The following GALNT13 variants were observed in gnomAD, a reference collection of about 807,000 sequenced individuals.
GALNT13 encodes UDP-GalNAc:polypeptide N-acetylgalactosaminyltransferase 13.
GALNT13 carries 28 observed loss-of-function variants against 64.2 expected under a neutral mutation model. The observed-to-expected ratio is 0.44, with a 90% CI of 0.32 to 0.60. The LOEUF is 0.60. Among genes scored for constraint, GALNT13 ranks in the 20% least tolerant of loss-of-function variants. The pLI, the probability that GALNT13 is intolerant of heterozygous loss-of-function variation, is 0.05. For synonymous variants in GALNT13, 214 were observed against 224.6 expected (o/e 0.95, Z 0.42); for missense variants, 577 against 669.8 (o/e 0.86, Z 1.53).
intron 4 of GALNT13, among the ~76,000 whole-genome samples, chr2:154,204,156 T>C (rs1266542965): frequency 1.3e-5 from 2 of 152,168 alleles, no homozygotes; most frequent in Non-Finnish European, 2.9e-5. Context: ...CTGGACTGCC[T>C]CCTCATTAAT....
At chr2:153,299,673 G>T in the GALNT13 span, among the ~76,000 whole-genome samples, 1 of 152,190 alleles carries the variant, frequency 6.6e-6, no homozygotes, top group South Asian at 2.1e-4. Context: ...GGAGCTTGTG[G>T]ACACAATCAA....
the GALNT13 span, among the ~76,000 whole-genome samples, chr2:153,345,654 TCTTTCTTTCTTTC>T: frequency 1.3e-4 from 17 of 133,708 alleles, no homozygotes; most frequent in African/African-American, 5.0e-4. Flanking sequence ...TTTCTTTCTT[TCTTTCTTTCTTTC>T]TTTCTTTCTT....
At chr2:153,967,730 C>T (rs973127370) in intron 3 of GALNT13, among the ~76,000 whole-genome samples, 1 of 152,028 alleles carries the variant, frequency 6.6e-6, no homozygotes, top group Non-Finnish European at 1.5e-5. Flanking sequence ...GGTGCTCACC[C>T]ATGGACCACA....
chr2:154,048,586 A>T (rs1699408184), intron 3 of GALNT13, among the ~76,000 whole-genome samples: 2 of 152,156 alleles, frequency 1.3e-5, no homozygotes, highest in South Asian at 4.1e-4. Flanking sequence ...TCACTGTGTC[A>T]TAAGGCCAGA....
At chr2:153,424,314 C>T in the GALNT13 span, among the ~76,000 whole-genome samples, 386 of 151,402 alleles carry the variant, frequency 2.5e-3, 1 homozygote, top group South Asian at 0.013. Flanking sequence ...TTTGCTGTGC[C>T]TATATTTCTT....
chr2:153,342,670 A>C, the GALNT13 span, among the ~76,000 whole-genome samples: 1 of 152,116 alleles, frequency 6.6e-6, no homozygotes. Context: ...TAAAGTTTCC[A>C]ATTTTCTCCC....
intron 9 of GALNT13, among the ~76,000 whole-genome samples, chr2:154,322,144 C>CTTTTT (rs70983718): frequency 9.0e-4 from 15 of 16,616 alleles, no homozygotes; most frequent in African/African-American, 1.6e-3. Context: ...AAAATATGTA[C>CTTTTT]TTTTTTTTTT....
chr2:153,243,052 G>C, the GALNT13 span, among the ~76,000 whole-genome samples: 1 of 152,202 alleles, frequency 6.6e-6, no homozygotes, highest in African/African-American at 2.4e-5. Context: ...GCTAATATCA[G>C]TTGTGGAGGT....
chr2:153,604,859 G>A, the GALNT13 span, among the ~76,000 whole-genome samples: 39 of 151,944 alleles, frequency 2.6e-4, no homozygotes, highest in Non-Finnish European at 4.7e-4. Flanking sequence ...TAGCTATTGA[G>A]GCTAACAAGA....
At chr2:153,758,137 C>G in the GALNT13 span, among the ~76,000 whole-genome samples, 2 of 152,048 alleles carry the variant, frequency 1.3e-5, no homozygotes, top group Admixed American at 1.3e-4. Context: ...AATTTTTAAC[C>G]CAGTTTGAGT....
chr2:154,427,948 A>C lies in GALNT13; in HGVS notation c.1396-10644A>C, dbSNP rs577770579. ...TATGGAGGAAGATAATATTTTAAAA[A>C]ATAATTCACATTGCTAAAGGTATAA... On this transcript the variant is annotated intron_variant, in intron 11 of 12. Transcript: ENST00000392825. Among the ~76,000 whole-genome samples, 22 of 152,360 alleles carry C rather than the reference A, an allele frequency of 1.4e-4. No individual in the cohort carries two copies. The East Asian group carries it at 3.9e-3, about 27-fold the overall frequency.
chr2:153,613,468 T>C, the GALNT13 span, among the ~76,000 whole-genome samples: 1 of 152,098 alleles, frequency 6.6e-6, no homozygotes, highest in African/African-American at 2.4e-5. Context: ...TATAACTCAA[T>C]TGTATTAGGG....
intron 1 of GALNT13, among the ~76,000 whole-genome samples, chr2:153,883,033 T>C (rs544017387): frequency 6.8e-6 from 1 of 147,694 alleles, no homozygotes; most frequent in African/African-American, 2.5e-5. Flanking sequence ...AAATATATGT[T>C]ATTTTTATAT....
At chr2:154,153,405 C>G (rs978092664) in intron 4 of GALNT13, among the ~76,000 whole-genome samples, 1 of 152,216 alleles carries the variant, frequency 6.6e-6, no homozygotes. Context: ...AGGAGGCAGT[C>G]TGCCCATTCT....
the GALNT13 span, among the ~76,000 whole-genome samples, chr2:153,661,465 T>G: frequency 6.6e-6 from 1 of 152,170 alleles, no homozygotes; most frequent in Non-Finnish European, 1.5e-5. Context: ...TTAATGAATC[T>G]TTTTTCCAAT....
intron 9 of GALNT13, among the ~76,000 whole-genome samples, chr2:154,339,913 T>C (rs1184921381): frequency 3.3e-5 from 5 of 152,130 alleles, no homozygotes; most frequent in South Asian, 4.1e-4. Flanking sequence ...AGGTGAAATA[T>C]ACTGTCAGTT....
At chr2:154,190,808 AG>A (rs1207678690) in intron 4 of GALNT13, among the ~76,000 whole-genome samples, 1 of 152,236 alleles carries the variant, frequency 6.6e-6, no homozygotes, top group African/African-American at 2.4e-5. Flanking sequence ...AAAAGGAAAC[AG>A]GTGAACCTAA....
At chr2:153,588,012 A>G in the GALNT13 span, among the ~76,000 whole-genome samples, 7 of 152,350 alleles carry the variant, frequency 4.6e-5, no homozygotes, top group East Asian at 1.3e-3. Context: ...TGGGGCAGTC[A>G]AATCTTAAAG....
the GALNT13 span, among the ~76,000 whole-genome samples, chr2:153,661,907 A>ACATG: frequency 6.6e-6 from 1 of 152,236 alleles, no homozygotes; most frequent in African/African-American, 2.4e-5. Context: ...ATATGTTTGC[A>ACATG]CATGCATCTT....
Sources: allele counts gnomAD v4.1 joint callset (sites outside exome capture counted in the v4.1 genomes callset), GRCh38; gene constraint gnomAD v4.1.1; transcripts MANE v1.5; gene names NCBI Gene and HGNC (gene_info 2026-07-23, HGNC 2026-07-21).